Variants in RBM26 observed in about 807,000 individuals in gnomAD.
RBM26 encodes RNA-binding protein 26.
RBM26 carries 30 observed loss-of-function variants against 123.6 expected under a neutral mutation model. That is an observed-to-expected ratio of 0.24 (90% CI 0.18 to 0.33). The LOEUF is 0.33. Ranked by LOEUF, RBM26 falls within the 10% of genes least tolerant of loss-of-function variation. The pLI is 1.00. For missense variants in RBM26, 947 were observed against 1,203.6 expected, an observed-to-expected ratio of 0.79 and a Z score of 3.15; for synonymous variants, 400 against 404.4, an observed-to-expected ratio of 0.99 and a Z score of 0.13.
chr13:79,345,591 C>T (rs762491543), intron 14 of RBM26, among the ~76,000 whole-genome samples: 2 of 152,034 alleles, frequency 1.3e-5, no homozygotes, highest in South Asian at 2.1e-4. Flanking sequence ...TATGAGGCCA[C>T]GGGTAAGATT....
chr13:79,329,779 T>C (rs2069010285), intron 20 of RBM26, among the ~76,000 whole-genome samples: 1 of 152,156 alleles, frequency 6.6e-6, no homozygotes, highest in Non-Finnish European at 1.5e-5. Context: ...TACAAGAAAT[T>C]AGACAAATGT....
chr13:79,354,550 C>G lies in RBM26; in HGVS notation c.1875G>C (p.Gln625His). 1 of 1,602,596 alleles carries G rather than the reference C, an allele frequency of 6.2e-7. No homozygotes were observed. Among genetic ancestry groups the G allele is most frequent in the Non-Finnish European group, 8.5e-7 (1 of 1,172,402 alleles). The change falls in exon 13 of 22, where the codon CAG becomes CAC. Residue 625 changes from glutamine (Q) to histidine (H), a missense_variant. By Grantham distance (24) the Gln-to-His change is conservative. This residue lies in a region of RBM26 where 493 missense variants were observed against 563.1 expected (regional missense o/e 0.88). Transcript: ENST00000438737. The part of the protein sequence containing the change: ...TSPKVMQPLV[Q>H]QPILPVVKQS... ...GCTTCACAACAGGCAAAATGGGCTG[C>G]TGGACTAAAGGCTGCATTACCTCAG...
intron 18 of RBM26, 76 bp from the exon 19 acceptor site, chr13:79,337,378 G>T: frequency 1.3e-6 from 2 of 1,503,520 alleles, no homozygotes; most frequent in South Asian, 1.2e-5. Context: ...TCTGGCAGAT[G>T]AATAAAACTT....
At chr13:79,340,108 T>C (rs927624651) in intron 18 of RBM26, among the ~76,000 whole-genome samples, 3 of 152,058 alleles carry the variant, frequency 2.0e-5, no homozygotes, top group Non-Finnish European at 4.4e-5. Flanking sequence ...ATAAAATCGC[T>C]ACAATGGGAA....
chr13:79,318,769 A>C (rs570736081), downstream of RBM26: 27 of 983,126 alleles, frequency 2.7e-5, no homozygotes, highest in Middle Eastern at 5.2e-4. Flanking sequence ...AAAGCCAAAA[A>C]TCAGCATGGA....
chr13:79,398,842 T>C (rs961528542), intron 1 of RBM26, among the ~76,000 whole-genome samples: 17 of 152,216 alleles, frequency 1.1e-4, no homozygotes, highest in African/African-American at 3.9e-4. Flanking sequence ...GTAGATTCTA[T>C]AGTTTTACCC....
chr13:79,371,247 T>C, intron 4 of RBM26, 85 bp from the exon 5 acceptor site: 1 of 1,085,278 alleles, frequency 9.2e-7, no homozygotes, highest in Admixed American at 2.4e-5. Flanking sequence ...TTACATTTAA[T>C]TCTTGTAACT....
chr13:79,389,598 G>T (rs1344636256), intron 1 of RBM26: 28 of 152,172 alleles, frequency 1.8e-4, no homozygotes, highest in Admixed American at 1.8e-3. Context: ...AGTTAGATGA[G>T]ATCAGGGGTG....
At chr13:79,342,293 T>A (rs887221787) in intron 17 of RBM26, among the ~76,000 whole-genome samples, 1 of 151,822 alleles carries the variant, frequency 6.6e-6, no homozygotes, top group African/African-American at 2.4e-5. Flanking sequence ...CCCTTTTCAG[T>A]CAATCCACCG....
chr13:79,382,339 C>A (rs1458538039), intron 1 of RBM26, among the ~76,000 whole-genome samples: 1 of 152,104 alleles, frequency 6.6e-6, no homozygotes, highest in Non-Finnish European at 1.5e-5. Flanking sequence ...TATATCTTGT[C>A]AGAGCTAGAC....
intron 11 of RBM26, among the ~76,000 whole-genome samples, chr13:79,356,383 AACAAAC>A (rs1566428714): frequency 3.2e-5 from 1 of 30,968 alleles, no homozygotes; most frequent in Non-Finnish European, 7.5e-5. Flanking sequence ...AAAAAAAAAA[AACAAAC>A]AAAAAAAAAC....
At chr13:79,315,257 T>C (rs563777762), downstream of RBM26, among the ~76,000 whole-genome samples, 2 of 151,914 alleles carry the variant, frequency 1.3e-5, no homozygotes, top group East Asian at 1.9e-4. Flanking sequence ...AAAATTTTCA[T>C]TGCGAAAACT....
At chr13:79,344,155 T>C (rs77419925) in intron 16 of RBM26, 93 bp downstream of exon 16, 21 of 820,652 alleles carry the variant, frequency 2.6e-5, no homozygotes, top group East Asian at 2.0e-4. Context: ...TTACCAATTA[T>C]AGTAAATCTT....
intron 20 of RBM26, among the ~76,000 whole-genome samples, chr13:79,327,344 A>G (rs1003522421): frequency 2.0e-5 from 3 of 152,078 alleles, no homozygotes; most frequent in African/African-American, 7.2e-5. Context: ...TTAATGAAAC[A>G]GAGTCATTTG....
intron 9 of RBM26, among the ~76,000 whole-genome samples, chr13:79,360,002 C>T (rs1342700185): frequency 2.0e-5 from 3 of 152,002 alleles, no homozygotes; most frequent in Non-Finnish European, 4.4e-5. Context: ...CATCCTGCTC[C>T]AACACTTGAT....
chr13:79,399,432 A>G (rs990323132), intron 1 of RBM26, among the ~76,000 whole-genome samples: 1 of 152,236 alleles, frequency 6.6e-6, no homozygotes, highest in African/African-American at 2.4e-5. Context: ...AAGAAACAGT[A>G]AAGTTTCAGA....
chr13:79,374,448 C>T (rs992755710), intron 3 of RBM26, among the ~76,000 whole-genome samples: 9 of 151,848 alleles, frequency 5.9e-5, no homozygotes, highest in African/African-American at 1.7e-4. Flanking sequence ...TATGGGGCCA[C>T]GACACTCCAG....
chr13:79,338,886 T>C lies in RBM26; in HGVS notation c.2533-1584A>G, dbSNP rs79362353. ...ATAAAATTTGATAATTAATTAGATA[T>C]AGATGCTGAAGCAAAGGGAGAAATC... On this transcript the variant is annotated intron_variant, in intron 18 of 21. Coordinates refer to ENST00000438737, the MANE Select transcript of RBM26 (RefSeq NM_001366735.2). Among the ~76,000 whole-genome samples the C allele has an allele frequency of 2.0e-3, 307 of 152,258 alleles. 1 individual carries two copies. Among genetic ancestry groups the C allele is most frequent in the African/African-American group, 6.9e-3 (288 of 41,534 alleles).
At chr13:79,379,951 T>C (rs924279479) in intron 1 of RBM26, among the ~76,000 whole-genome samples, 3 of 152,198 alleles carry the variant, frequency 2.0e-5, no homozygotes, top group African/African-American at 7.2e-5. Flanking sequence ...TTTTCAGTTA[T>C]CAGGTTGGCA....
Sources: gnomAD v4.1 joint callset for allele counts (sites outside exome capture counted in the v4.1 genomes callset) on GRCh38, gnomAD v4.1.1 for gene constraint, gnomAD v4.1.1 regional missense constraint, MANE v1.5 for transcripts, NCBI Gene and HGNC (gene_info 2026-07-23, HGNC 2026-07-21) for gene names.